Variants in NEBL observed in about 807,000 individuals in gnomAD.
NEBL encodes the protein LIM and SH3 protein 2.
A neutral mutation model predicts 140.2 loss-of-function variants in NEBL; 122 were observed. The observed-to-expected ratio is 0.87, with a 90% CI of 0.75 to 1.01. NEBL has a LOEUF of 1.01. NEBL is among the 50% of genes least tolerant of loss of function. The pLI is 0.00. For synonymous variants in NEBL, 436 were observed against 398.9 expected (o/e 1.09, Z -1.11); for missense variants, 1,365 against 1,231.3 (o/e 1.11, Z -1.62).
At chr10:20,996,570 G>A (rs897245913) in intron 3 of NEBL, among the ~76,000 whole-genome samples, 1 of 152,264 alleles carries the variant, frequency 6.6e-6, no homozygotes, top group Admixed American at 6.5e-5. Flanking sequence ...TAACTTGTCC[G>A]AGGACACATA....
At chr10:21,231,132 C>G (rs1041355334) in intron 3 of NEBL, among the ~76,000 whole-genome samples, 1 of 152,170 alleles carries the variant, frequency 6.6e-6, no homozygotes, top group African/African-American at 2.4e-5. Context: ...TGTGTCCTCG[C>G]GATGTGCGAG....
chr10:21,168,959 G>C (rs1012147948), intron 2 of NEBL, among the ~76,000 whole-genome samples: 1 of 147,718 alleles, frequency 6.8e-6, no homozygotes, highest in Non-Finnish European at 1.5e-5. Flanking sequence ...TGAGGCAGCA[G>C]AATGGCATGA....
In NEBL at chr10:21,012,726, G is replaced by A. The variant is rs140088913; in HGVS notation, c.249+7391C>T. Among the ~76,000 whole-genome samples, 778 of 152,098 alleles carry A rather than the reference G, an allele frequency of 5.1e-3. 4 individuals carry two copies. Among genetic ancestry groups the A allele is most frequent in the Middle Eastern group, 0.017 (5 of 294 alleles). On this transcript the variant is annotated intron_variant, in intron 3 of 6. Transcript: ENST00000417816. ...CGATAGATAGACTATATATTGAAAC[G>A]CCTAATACAAGGGCCAGTTACCAGA...
At chr10:21,050,944 T>C (rs980371796) in intron 2 of NEBL, among the ~76,000 whole-genome samples, 2 of 152,202 alleles carry the variant, frequency 1.3e-5, no homozygotes, top group African/African-American at 2.4e-5. Flanking sequence ...CTGACTTTCA[T>C]CCTTTTGCCT....
rs748703797 is a variant in NEBL at position 20,809,868 on chromosome 10, G to A, written c.2549C>T (p.Ser850Phe). ...DLKVWRTDPG[S>F]IFDLDPLEDN... ...TTCCAGGGGATCAAGGTCGAAGATG[G>A]AGCCAGGATCTGTGCGCCAAACTTT... Residue 850 changes from serine to phenylalanine, a missense_variant, in exon 25 of 28, where the codon TCC becomes TTC. By Grantham distance (155) the Ser-to-Phe change is radical. Coordinates refer to ENST00000377122, the MANE Select transcript of NEBL (RefSeq NM_006393.3). 17 of 1,612,608 alleles carry A rather than the reference G, an allele frequency of 1.1e-5. 1 individual carries two copies. Among genetic ancestry groups the A allele is most frequent in the South Asian group, 6.6e-5 (6 of 91,006 alleles).
At chr10:20,876,835 T>A (rs1845544765) in intron 5 of NEBL, among the ~76,000 whole-genome samples, 1 of 152,236 alleles carries the variant, frequency 6.6e-6, no homozygotes, top group Non-Finnish European at 1.5e-5. Flanking sequence ...TATAAGCCCA[T>A]CTTTAGGGGA....
chr10:21,015,035 C>T (rs76260072), intron 3 of NEBL, among the ~76,000 whole-genome samples: 1 of 147,292 alleles, frequency 6.8e-6, no homozygotes, highest in South Asian at 2.1e-4. Flanking sequence ...TCATAAATTA[C>T]ACATACTCCA....
chr10:21,226,609 ACTGACTGAGATCTGCCTATGTTG>A (rs1842153259), intron 3 of NEBL, among the ~76,000 whole-genome samples: 1 of 152,144 alleles, frequency 6.6e-6, no homozygotes, highest in South Asian at 2.1e-4. Context: ...CTCCGTGGTC[ACTGACTGAGATCTGCCTATGTTG>A]CTTTCTGCTG....
chr10:21,088,488 A>G (rs1196398303), intron 2 of NEBL, among the ~76,000 whole-genome samples: 1 of 152,164 alleles, frequency 6.6e-6, no homozygotes, highest in Admixed American at 6.5e-5. Context: ...TGTCTCTTAA[A>G]AAACAAAACA....
chr10:20,975,831 G>T (rs1480920677), intron 3 of NEBL, among the ~76,000 whole-genome samples: 1 of 151,922 alleles, frequency 6.6e-6, no homozygotes, highest in Non-Finnish European at 1.5e-5. Context: ...TGTCCATATA[G>T]ATATATATGT....
At chr10:20,814,445 TAA>T (rs748702906) in intron 22 of NEBL, among the ~76,000 whole-genome samples, 1 of 139,114 alleles carries the variant, frequency 7.2e-6, no homozygotes. Flanking sequence ...AGGTAAAAAT[TAA>T]AAAAAAAAAA....
chr10:21,077,590 G>C (rs575468267), intron 2 of NEBL, among the ~76,000 whole-genome samples: 1 of 152,152 alleles, frequency 6.6e-6, no homozygotes, highest in African/African-American at 2.4e-5. Flanking sequence ...CTGGGCGACA[G>C]AGCAAGACTT....
chr10:20,830,610 G>T (rs879796522), intron 16 of NEBL, among the ~76,000 whole-genome samples: 1 of 151,844 alleles, frequency 6.6e-6, no homozygotes, highest in Admixed American at 6.6e-5. Flanking sequence ...TTTAGCCACT[G>T]TTAGCTTTAT....
intron 2 of NEBL, chr10:21,029,180 A>G (rs1408311839): frequency 3.2e-5 from 44 of 1,365,792 alleles, no homozygotes; most frequent in Non-Finnish European, 4.5e-5. Flanking sequence ...AATGATAACA[A>G]TGTGTATAGG....
intron 3 of NEBL, among the ~76,000 whole-genome samples, chr10:21,234,030 G>C (rs1009440801): frequency 3.1e-4 from 43 of 138,844 alleles, no homozygotes; most frequent in Non-Finnish European, 3.3e-4. Context: ...TAGATAGATA[G>C]ATAGATAGAT....
At chr10:21,011,144 T>A (rs1838322646) in intron 3 of NEBL, among the ~76,000 whole-genome samples, 1 of 152,238 alleles carries the variant, frequency 6.6e-6, no homozygotes, top group African/African-American at 2.4e-5. Context: ...GGAATTTTAC[T>A]ACAACCTACA....
At chr10:20,939,495 G>C (rs1314413428) in intron 4 of NEBL, among the ~76,000 whole-genome samples, 1 of 152,182 alleles carries the variant, frequency 6.6e-6, no homozygotes, top group Admixed American at 6.5e-5. Flanking sequence ...AAATTGTAAA[G>C]ACCATCGAGG....
chr10:20,845,178 G>C, intron 12 of NEBL, 80 bp downstream of exon 12: 5 of 870,046 alleles, frequency 5.7e-6, no homozygotes, highest in Non-Finnish European at 7.5e-6. Context: ...CACTGAATTA[G>C]TAGAGAATTA....
chr10:20,961,348 T>G (rs1192962279), intron 4 of NEBL, among the ~76,000 whole-genome samples: 3 of 152,200 alleles, frequency 2.0e-5, no homozygotes. Flanking sequence ...TATGTATATT[T>G]TATATGCTTA....
Sources: allele counts gnomAD v4.1 joint callset (sites outside exome capture counted in the v4.1 genomes callset), GRCh38; gene constraint gnomAD v4.1.1; transcripts MANE v1.5; gene names NCBI Gene and HGNC (gene_info 2026-07-23, HGNC 2026-07-21).